The following PARD3 variants were observed in gnomAD, a reference collection of about 807,000 sequenced individuals.
The protein encoded by PARD3 is par-3 family cell polarity regulator.
A neutral mutation model predicts 155.4 loss-of-function variants in PARD3; 75 were observed. The ratio of observed to expected loss-of-function variants is 0.48; its 90% confidence interval spans 0.40 to 0.58. PARD3 has a LOEUF of 0.58. Among genes scored for constraint, PARD3 ranks in the 20% least tolerant of loss-of-function variants. PARD3 has a pLI of 0.00. For synonymous variants in PARD3, 576 were observed against 610.5 expected (o/e 0.94, Z 0.83); for missense variants, 1,642 against 1,721.7 (o/e 0.95, Z 0.82).
intron 24 of PARD3, 137 bp downstream of exon 24, chr10:34,119,476 G>A (rs1451060361): frequency 1.2e-6 from 1 of 819,846 alleles, no homozygotes; most frequent in Non-Finnish European, 1.8e-6. Context: ...GTAGCCACGG[G>A]ACATTTATTG....
chr10:34,407,914 T>C lies in PARD3; in HGVS notation c.715-5997A>G, dbSNP rs990952120. Among the ~76,000 whole-genome samples the C allele has an allele frequency of 3.9e-5, 6 of 151,982 alleles. No individual in the cohort carries two copies. The East Asian group carries it at 5.8e-4, about 15-fold the overall frequency. On this transcript the variant is annotated intron_variant, in intron 5 of 24. Transcript: ENST00000374788. ...GTACAGGACTTGTAACTAGAACACTTGAGACTAGAATCCTGCCTCCATCTC... is the reference window on the plus strand; with the variant it reads ...GTACAGGACTTGTAACTAGAACACTCGAGACTAGAATCCTGCCTCCATCTC...
chr10:34,261,773 A>G (rs1449029160), intron 22 of PARD3, among the ~76,000 whole-genome samples: 10 of 92,990 alleles, frequency 1.1e-4, no homozygotes, highest in East Asian at 8.6e-4. Flanking sequence ...AGGAAGGAAG[A>G]AAGAAAGAAA....
chr10:34,262,541 T>C (rs1352634733), intron 22 of PARD3, among the ~76,000 whole-genome samples: 1 of 152,222 alleles, frequency 6.6e-6, no homozygotes, highest in Non-Finnish European at 1.5e-5. Flanking sequence ...GTGGGGATTA[T>C]AGATGTAAGC....
intron 1 of PARD3, among the ~76,000 whole-genome samples, chr10:34,765,671 CAAAAA>C (rs112970917): frequency 7.3e-6 from 1 of 136,072 alleles, no homozygotes; most frequent in African/African-American, 2.7e-5. Context: ...GAGTAAGACT[CAAAAA>C]AAAAAAAAGA....
chr10:34,556,417 C>G (rs1188587666), intron 2 of PARD3, among the ~76,000 whole-genome samples: 1 of 147,348 alleles, frequency 6.8e-6, no homozygotes, highest in Non-Finnish European at 1.5e-5. Flanking sequence ...GAGTCTTGCT[C>G]TGTCGCCCAG....
intron 5 of PARD3, among the ~76,000 whole-genome samples, chr10:34,424,798 A>G (rs958464711): frequency 1.3e-5 from 2 of 152,174 alleles, no homozygotes; most frequent in African/African-American, 4.8e-5. Flanking sequence ...TACAGGGGTG[A>G]GCCACCATGC....
At chr10:34,667,827 A>G (rs74403089) in intron 2 of PARD3, among the ~76,000 whole-genome samples, 1,799 of 152,358 alleles carry the variant, frequency 0.012, 47 homozygotes, top group African/African-American at 0.04. Flanking sequence ...TATTGTGATG[A>G]CATTATTAAG....
chr10:34,626,477 A>AG (rs990764458), intron 2 of PARD3, among the ~76,000 whole-genome samples: 7 of 152,134 alleles, frequency 4.6e-5, no homozygotes, highest in Non-Finnish European at 8.8e-5. Context: ...GGGGAGGCCA[A>AG]GGGATGGAAA....
chr10:34,654,363 T>C (rs61420643), intron 2 of PARD3, among the ~76,000 whole-genome samples: 2,598 of 152,284 alleles, frequency 0.017, 70 homozygotes, highest in African/African-American at 0.059. Context: ...TTTACAGACG[T>C]GCTAAAAGGT....
At position 34,410,280 on chromosome 10, in the gene PARD3, C is replaced by T. The variant is rs1041271241; in HGVS notation, c.715-8363G>A. ...AGATGATTTCTGTCTTTTCCTCTTA[C>T]CTTTGGTGTTTACTTTCAGTTTTTT... On this transcript the variant is annotated intron_variant, in intron 5 of 24. Coordinates refer to ENST00000374788, the MANE Select transcript of PARD3 (RefSeq NM_001184785.2). 5.7e-4 allele frequency among the ~76,000 whole-genome samples: 86 copies of T among 151,830 alleles called. 1 individual carries two copies. Among genetic ancestry groups the T allele is most frequent in the Non-Finnish European group, 5.3e-4 (36 of 67,980 alleles).
At chr10:34,171,950 C>CAAAAAAAAAA (rs71033303) in intron 22 of PARD3, among the ~76,000 whole-genome samples, 23 of 47,248 alleles carry the variant, frequency 4.9e-4, no homozygotes, top group African/African-American at 2.1e-3. Context: ...GACTCCATCT[C>CAAAAAAAAAA]AAAAAAAAAA....
At chr10:34,229,152 A>G (rs1341815823) in intron 22 of PARD3, among the ~76,000 whole-genome samples, 1 of 152,088 alleles carries the variant, frequency 6.6e-6, no homozygotes, top group East Asian at 1.9e-4. Context: ...CCAGCTTCTC[A>G]GCATCAGCTA....
chr10:34,343,775 G>C (rs987589299), intron 15 of PARD3: 5 of 984,558 alleles, frequency 5.1e-6, no homozygotes, highest in Admixed American at 6.2e-5. Context: ...ATTTCTGATA[G>C]GTAAACTTTC....
At chr10:34,702,636 C>T (rs1472256841) in intron 1 of PARD3, among the ~76,000 whole-genome samples, 1 of 152,196 alleles carries the variant, frequency 6.6e-6, no homozygotes, top group Non-Finnish European at 1.5e-5. Flanking sequence ...CAGCCCTCTG[C>T]TTCCACTTGC....
intron 7 of PARD3, among the ~76,000 whole-genome samples, chr10:34,396,291 A>C (rs975755048): frequency 6.6e-6 from 1 of 152,114 alleles, no homozygotes; most frequent in African/African-American, 2.4e-5. Context: ...CGGAGGTTGC[A>C]GTGAGCCAGG....
Position 34,384,078 on chromosome 10 carries a change from C to G in PARD3, c.1016+51G>C, listed in dbSNP as rs1589384130. 5.7e-6 allele frequency: 9 copies of G among 1,576,676 alleles called. No homozygotes were observed. In the East Asian group the frequency reaches 2.0e-4, roughly 35 times the overall value. ...TTGAAGCATTTCAACTGACTGCACT[C>G]TGTCATGCCTAATGCAAGTAAGAAC... On this transcript the variant is annotated intron_variant, in intron 8 of 24. Coordinates refer to ENST00000374788, the MANE Select transcript of PARD3 (RefSeq NM_001184785.2).
chr10:34,684,519 G>C (rs78382879), intron 2 of PARD3, among the ~76,000 whole-genome samples: 1 of 151,916 alleles, frequency 6.6e-6, no homozygotes, highest in East Asian at 1.9e-4. Context: ...TCCCTACCTT[G>C]GTGAATGCCC....
chr10:34,264,472 T>C (rs914706580), intron 22 of PARD3, among the ~76,000 whole-genome samples: 5 of 152,212 alleles, frequency 3.3e-5, no homozygotes, highest in Non-Finnish European at 7.3e-5. Flanking sequence ...ACAAATTCAC[T>C]TTTCACAGGT....
At chr10:34,113,119 C>T (rs1946475491) in intron 24 of PARD3, among the ~76,000 whole-genome samples, 1 of 152,128 alleles carries the variant, frequency 6.6e-6, no homozygotes, top group African/African-American at 2.4e-5. Context: ...ATTACAGCAA[C>T]AAAAATGGGA....
Sources: allele counts gnomAD v4.1 joint callset (sites outside exome capture counted in the v4.1 genomes callset), GRCh38; gene constraint gnomAD v4.1.1; transcripts MANE v1.5; gene names NCBI Gene and HGNC (gene_info 2026-07-23, HGNC 2026-07-21).